DNAJB1: variants seen among roughly 807,000 people sequenced by gnomAD.
DNAJB1 encodes the protein DnaJ heat shock protein family (Hsp40) member B1, also known as dnaJ homolog subfamily B member 1.
Under a neutral mutation model 24.0 loss-of-function variants are expected in DNAJB1, and 14 were observed. The observed-to-expected ratio is 0.58, with a 90% confidence interval of 0.39 to 0.91. DNAJB1 has a LOEUF of 0.91. DNAJB1 is among the 40% of genes least tolerant of loss of function. The pLI, the probability that DNAJB1 is intolerant of heterozygous loss-of-function variation, is 0.00. For missense variants in DNAJB1, 517 were observed against 458.1 expected, an observed-to-expected ratio of 1.13 and a Z score of -1.17; for synonymous variants, 262 against 174.4, an observed-to-expected ratio of 1.50 and a Z score of -3.96.
intron 1 of DNAJB1, among the ~76,000 whole-genome samples, chr19:14,541,946 G>C (rs561520915): frequency 7.2e-5 from 11 of 152,066 alleles, no homozygotes; most frequent in African/African-American, 2.7e-4. Context: ...CACCACGCCT[G>C]GCGTATTTTT....
rs564062469 is a variant in DNAJB1, at chr19:14,535,097, G to T, written c.-213-7287C>A. ...ATTGAGAGTGATGAGCCTTGCCTGG[G>T]TGCAGTGGTTCATGCCTGTAATCCC... On this transcript the variant is annotated intron_variant, in intron 1 of 3. Coordinates refer to the DNAJB1 transcript ENST00000676982. Among the ~76,000 whole-genome samples the T allele has an allele frequency of 3.9e-5, 6 of 152,254 alleles. No individual in the cohort carries two copies. In the South Asian group the frequency reaches 1.2e-3, roughly 32 times the overall value.
chr19:14,518,362 C>G lies in DNAJB1; in HGVS notation c.-13G>C. The G allele has an allele frequency of 6.5e-7, 1 of 1,539,446 alleles. No individual in the cohort carries two copies. The highest frequency in any genetic ancestry group is 1.4e-5 in the African/African-American group (1 of 72,082). Reference sequence around the variant, plus strand: ...AGTCTTTACCCATGACCCCCTCCTGCGGCCCGCCGACCCGCTGTCGCCGTC... The same window carrying G: ...AGTCTTTACCCATGACCCCCTCCTGGGGCCCGCCGACCCGCTGTCGCCGTC... On this transcript the variant is annotated 5_prime_UTR_variant, in exon 1 of 3. Coordinates refer to ENST00000254322, the MANE Select transcript of DNAJB1 (RefSeq NM_006145.3).
Position 14,515,967 on chromosome 19 carries a change from G to T in DNAJB1, c.996C>A (p.Thr332=). Residue 332 remains threonine (T), a synonymous_variant, in exon 3 of 3, where the codon ACC becomes ACA. Transcript: ENST00000254322. ...FPERIPQTSR[T]VLEQVLPI is the part of the protein sequence containing the mutation. Reference sequence around the variant, plus strand: ...ATATTGGAAGAACCTGCTCAAGTACGGTTCTTGATGTCTGGGGAATCCTTT... The same window carrying T: ...ATATTGGAAGAACCTGCTCAAGTACTGTTCTTGATGTCTGGGGAATCCTTT... 6.2e-7 allele frequency: 1 copy of T among 1,609,658 alleles called. No homozygotes were observed. The highest frequency in any genetic ancestry group is 2.2e-5 in the East Asian group (1 of 44,802).
exon 1 of DNAJB1, among the ~76,000 whole-genome samples, chr19:14,560,179 C>G (rs914496266): frequency 6.6e-6 from 1 of 152,216 alleles, no homozygotes; most frequent in Non-Finnish European, 1.5e-5. Flanking sequence ...CCCCGATGGC[C>G]GTACTCTCCC....
At chr19:14,552,831 C>T (rs1027316808), upstream of DNAJB1, among the ~76,000 whole-genome samples, 9 of 152,222 alleles carry the variant, frequency 5.9e-5, 1 homozygote, top group South Asian at 1.3e-3. Context: ...CCACTGCGCC[C>T]GGCCCAGTCT....
upstream of DNAJB1, among the ~76,000 whole-genome samples, chr19:14,552,686 C>T (rs140616024): frequency 0.012 from 1,836 of 152,116 alleles, 37 homozygotes; most frequent in African/African-American, 0.042. Context: ...AGGCACCCGC[C>T]ACCATGCCCG....
chr19:14,542,347 GTTTTTTTTTTTTTT>G (rs71166754), intron 1 of DNAJB1, among the ~76,000 whole-genome samples: 33 of 43,306 alleles, frequency 7.6e-4, no homozygotes, highest in Admixed American at 1.8e-3. Flanking sequence ...ATGCCATAGT[GTTTTTTTTTTTTTT>G]TTTTTTTTTT....
chr19:14,544,930 G>T (rs2073248889), intron 1 of DNAJB1, among the ~76,000 whole-genome samples: 1 of 152,074 alleles, frequency 6.6e-6, no homozygotes, highest in African/African-American at 2.4e-5. Context: ...ACCATGCCCA[G>T]CACGTGGCTT....
upstream of DNAJB1, chr19:14,529,605 C>G (rs778865767): frequency 1.9e-6 from 3 of 1,595,256 alleles, no homozygotes; most frequent in African/African-American, 2.7e-5. Flanking sequence ...TTTAGTCTAT[C>G]GCTGCGGTTG....
intron 1 of DNAJB1, among the ~76,000 whole-genome samples, chr19:14,528,400 C>T (rs536024353): frequency 8.9e-4 from 135 of 151,692 alleles, no homozygotes; most frequent in African/African-American, 3.0e-3. Context: ...CCACCACGCC[C>T]GGCTAATTTT....
Position 14,518,376 on chromosome 19 carries a change from G to T in DNAJB1, c.-27C>A. 6.6e-7 allele frequency: 1 copy of T among 1,525,846 alleles called. No homozygotes were observed. Among genetic ancestry groups the T allele is most frequent in the Non-Finnish European group, 8.7e-7 (1 of 1,146,666 alleles). The allele number at this position is 1,525,846 out of a possible 1,614,324, so 94.5% of individuals were successfully genotyped here. A position where few individuals can be genotyped will look rare whatever the true frequency, so the allele number is the denominator to read the frequency against. On this transcript the variant is annotated 5_prime_UTR_variant, in exon 1 of 3. Transcript: ENST00000254322. ...ACCCCCTCCTGCGGCCCGCCGACCCGCTGTCGCCGTCCCCCGGCTCCGCCG... is the reference window on the plus strand; with the variant it reads ...ACCCCCTCCTGCGGCCCGCCGACCCTCTGTCGCCGTCCCCCGGCTCCGCCG...
At chr19:14,552,959 G>A (rs2073587756), upstream of DNAJB1, among the ~76,000 whole-genome samples, 1 of 152,108 alleles carries the variant, frequency 6.6e-6, no homozygotes, top group South Asian at 2.1e-4. Context: ...CGTCGCTCTG[G>A]GTGGGCCAGT....
chr19:14,538,442 C>T (rs1378850915), intron 1 of DNAJB1, among the ~76,000 whole-genome samples: 1 of 152,044 alleles, frequency 6.6e-6, no homozygotes, highest in Non-Finnish European at 1.5e-5. Context: ...GAGGGACCCA[C>T]GTTAGGCAGG....
At chr19:14,544,672 C>G (rs1174513211) in intron 1 of DNAJB1, among the ~76,000 whole-genome samples, 7 of 149,110 alleles carry the variant, frequency 4.7e-5, no homozygotes, top group Admixed American at 6.7e-5. Flanking sequence ...CTCACTCTGT[C>G]GCCCATGCTG....
At position 14,545,266 on chromosome 19, in the gene DNAJB1, G is replaced by A. The variant is rs1201046040; in HGVS notation, c.-214+4942C>T. 1.1e-5 allele frequency: 5 copies of A among 453,352 alleles called. No homozygotes were observed. The Admixed American group carries it at 1.2e-4, about 11-fold the overall frequency. 28.1% of individuals were successfully genotyped at this position (453,352 alleles called of 1,614,324 possible). A position where few individuals can be genotyped will look rare whatever the true frequency, so the allele number is the denominator to read the frequency against. On this transcript the variant is annotated intron_variant, in intron 1 of 3. Transcript: ENST00000676982. Reference sequence around the variant, plus strand: ...AAATTTACTCTGTTCCAGCCTCCGGGTGTCACCCGCTTCCCCAAAGCTCTG... The same window carrying A: ...AAATTTACTCTGTTCCAGCCTCCGGATGTCACCCGCTTCCCCAAAGCTCTG...
chr19:14,557,276 G>T (rs1333514628), intron 1 of DNAJB1, among the ~76,000 whole-genome samples: 4 of 151,544 alleles, frequency 2.6e-5, no homozygotes, highest in Non-Finnish European at 5.9e-5. Flanking sequence ...GAGTAGCTGG[G>T]ATTACAGGCA....
intron 1 of DNAJB1, among the ~76,000 whole-genome samples, chr19:14,545,395 C>G (rs577846419): frequency 2.9e-5 from 4 of 138,982 alleles, no homozygotes; most frequent in African/African-American, 7.4e-5. Flanking sequence ...CCCACTGTGG[C>G]CCTCTGGGCC....
At chr19:14,542,347 G>GT (rs71166754) in intron 1 of DNAJB1, among the ~76,000 whole-genome samples, 1,618 of 43,204 alleles carry the variant, frequency 0.037, 321 homozygotes, top group African/African-American at 0.047. Flanking sequence ...ATGCCATAGT[G>GT]TTTTTTTTTT....
At chr19:14,518,507 G>T, upstream of DNAJB1, 1 of 510,070 alleles carries the variant, frequency 2.0e-6, no homozygotes, top group Non-Finnish European at 2.9e-6. Flanking sequence ...CCGGCCAATC[G>T]CCGCCGCCCT....
Sources: allele counts gnomAD v4.1 joint callset (sites outside exome capture counted in the v4.1 genomes callset), GRCh38; gene constraint gnomAD v4.1.1; transcripts MANE v1.5; gene names NCBI Gene and HGNC (gene_info 2026-07-23, HGNC 2026-07-21).